SUPT3H: variants seen among roughly 807,000 people sequenced by gnomAD.
The protein encoded by SUPT3H is transcription initiation protein SPT3 homolog.
A neutral mutation model predicts 44.3 loss-of-function variants in SUPT3H; 44 were observed. The ratio of observed to expected loss-of-function variants is 0.99; its 90% CI spans 0.78 to 1.28. SUPT3H has a LOEUF of 1.28. Among genes scored for constraint, SUPT3H ranks in the 50% most tolerant of loss-of-function variants. The pLI, the probability that SUPT3H is intolerant of heterozygous loss-of-function variation, is 0.00. For synonymous variants in SUPT3H, 124 were observed against 125.6 expected (o/e 0.99, Z 0.09); for missense variants, 380 against 387.1 (o/e 0.98, Z 0.15).
intron 2 of SUPT3H, among the ~76,000 whole-genome samples, chr6:45,295,548 A>AAAAAAAAAAAAAAAAAAAAAAAAAAAC (rs1554330142): frequency 1.1e-5 from 1 of 90,218 alleles, no homozygotes; most frequent in African/African-American, 4.2e-5. Flanking sequence ...AAAAAAAAAA[A>AAAAAAAAAAAAAAAAAAAAAAAAAAAC]AAAAAACAGC....
chr6:44,930,138 G>A (rs1267014772), intron 10 of SUPT3H, among the ~76,000 whole-genome samples: 1 of 152,054 alleles, frequency 6.6e-6, no homozygotes, highest in East Asian at 1.9e-4. Flanking sequence ...CAGCACTTTG[G>A]GAGGCTGAGG....
At position 44,827,018 on chromosome 6, in the gene SUPT3H, TA is replaced by T. The variant is rs1337055075; in HGVS notation, c.*2797del. ...CCTCTAAATGGCACGTTCAGAAAGT[TA>T]TACTTCCAAATTTAGGTGAAGGGAG... On this transcript the variant is annotated 3_prime_UTR_variant, in exon 11 of 11. Coordinates refer to ENST00000371459, the MANE Select transcript of SUPT3H (RefSeq NM_003599.4). Among the ~76,000 whole-genome samples the T allele has an allele frequency of 6.6e-6, 1 of 152,198 alleles. No individual in the cohort carries two copies. Among genetic ancestry groups the T allele is most frequent in the Non-Finnish European group, 1.5e-5 (1 of 68,006 alleles).
chr6:44,899,093 GT>G (rs1764563892), intron 10 of SUPT3H: 1 of 152,246 alleles, frequency 6.6e-6, no homozygotes, highest in African/African-American at 2.4e-5. Context: ...CTTTTACCAG[GT>G]TATGAGCTGG....
intron 10 of SUPT3H, chr6:44,899,392 TA>T (rs1248096738): frequency 6.6e-6 from 1 of 152,170 alleles, no homozygotes; most frequent in African/African-American, 2.4e-5. Context: ...TTTGTGCCTA[TA>T]AAAGTTATAA....
At chr6:45,248,909 A>G (rs1032615893) in intron 2 of SUPT3H, among the ~76,000 whole-genome samples, 5 of 140,338 alleles carry the variant, frequency 3.6e-5, no homozygotes, top group Admixed American at 1.4e-4. Flanking sequence ...GCAAGACTCC[A>G]TCTCAAAAAA....
At chr6:44,880,249 G>C (rs1778002962) in intron 10 of SUPT3H, among the ~76,000 whole-genome samples, 1 of 152,028 alleles carries the variant, frequency 6.6e-6, no homozygotes, top group Non-Finnish European at 1.5e-5. Flanking sequence ...TGATAGAGCT[G>C]AAAAACACAG....
chr6:45,255,423 T>TC (rs1186036218), intron 2 of SUPT3H, among the ~76,000 whole-genome samples: 3 of 149,852 alleles, frequency 2.0e-5, no homozygotes, highest in African/African-American at 7.4e-5. Flanking sequence ...AATAGGTTTT[T>TC]TTTTTTTTTT....
intron 10 of SUPT3H, among the ~76,000 whole-genome samples, chr6:44,928,905 G>GAAAAAAAAAAAAAAAA (rs1210373765): frequency 3.2e-5 from 2 of 62,934 alleles, no homozygotes; most frequent in Non-Finnish European, 5.1e-5. Flanking sequence ...AAAAAAAAAA[G>GAAAAAAAAAAAAAAAA]AAAAGAAAAG....
At position 45,015,226 on chromosome 6, in the gene SUPT3H, T is replaced by A. The variant is rs115403530; in HGVS notation, c.274-335A>T. Reference sequence around the variant, plus strand: ...CTGAATACACTTACACAAACCTAGATGGAACAGTCTAATGCACACCTAGGC... The same window carrying A: ...CTGAATACACTTACACAAACCTAGAAGGAACAGTCTAATGCACACCTAGGC... On this transcript the variant is annotated intron_variant, in intron 4 of 10. Transcript: ENST00000371459. Among the ~76,000 whole-genome samples, 1,158 of 152,266 alleles carry A rather than the reference T, an allele frequency of 7.6e-3. 22 individuals are homozygous for A. Among genetic ancestry groups the A allele is most frequent in the African/African-American group, 0.026 (1,093 of 41,558 alleles).
intron 3 of SUPT3H, among the ~76,000 whole-genome samples, chr6:45,104,549 A>C (rs1322470377): frequency 2.6e-5 from 4 of 152,070 alleles, no homozygotes; most frequent in Admixed American, 1.3e-4. Context: ...ATTGTTCAGC[A>C]GTTTGAACAT....
intron 2 of SUPT3H, among the ~76,000 whole-genome samples, chr6:45,166,090 C>G (rs1436317746): frequency 6.6e-6 from 1 of 151,904 alleles, no homozygotes; most frequent in Non-Finnish European, 1.5e-5. Flanking sequence ...CCCAGGAATT[C>G]AAGACCAGCC....
chr6:45,128,503 CAAAAAAAAAA>C (rs1168489460), intron 2 of SUPT3H, among the ~76,000 whole-genome samples: 120 of 12,410 alleles, frequency 9.7e-3, no homozygotes, highest in Non-Finnish European at 0.011. Context: ...GACTCTGTCT[CAAAAAAAAAA>C]AAAAAAAAAA....
At chr6:44,998,348 T>G (rs1781541830) in intron 6 of SUPT3H, among the ~76,000 whole-genome samples, 1 of 151,956 alleles carries the variant, frequency 6.6e-6, no homozygotes, top group South Asian at 2.1e-4. Context: ...AAATTACACA[T>G]TTATATTTTC....
Position 45,193,418 on chromosome 6 carries a change from T to G in SUPT3H, c.102-87412A>C, listed in dbSNP as rs148160511. ...AAGCTATTTTAATATTTCAAGATTA[T>G]GTCAAGAAAAAGCTTCTGTAATGTC... is the stretch of plus-strand genomic sequence containing the variant. On this transcript the variant is annotated intron_variant, in intron 2 of 10. Coordinates refer to ENST00000371459, the MANE Select transcript of SUPT3H (RefSeq NM_003599.4). Among the ~76,000 whole-genome samples the G allele has an allele frequency of 3.9e-4, 60 of 152,332 alleles. No homozygotes were observed. The East Asian group carries it at 0.011, about 29-fold the overall frequency.
At chr6:45,269,982 C>T (rs887527498) in intron 2 of SUPT3H, among the ~76,000 whole-genome samples, 3 of 152,102 alleles carry the variant, frequency 2.0e-5, no homozygotes, top group Admixed American at 1.3e-4. Flanking sequence ...ACGGATCTAT[C>T]CTGTTTCTAT....
chr6:45,145,407 T>C (rs937200788), intron 2 of SUPT3H, among the ~76,000 whole-genome samples: 3 of 151,634 alleles, frequency 2.0e-5, no homozygotes, highest in Non-Finnish European at 2.9e-5. Context: ...AACAAAAACA[T>C]AAAGTGAGGA....
At chr6:45,367,690 A>C (rs1298036582) in intron 1 of SUPT3H, among the ~76,000 whole-genome samples, 1 of 152,180 alleles carries the variant, frequency 6.6e-6, no homozygotes, top group Non-Finnish European at 1.5e-5. Flanking sequence ...ATTTGAGTTG[A>C]CTTGTCTGAT....
chr6:45,239,436 A>C (rs1368892074), intron 2 of SUPT3H, among the ~76,000 whole-genome samples: 1 of 152,246 alleles, frequency 6.6e-6, no homozygotes, highest in Non-Finnish European at 1.5e-5. Context: ...CCTGGAAAGA[A>C]GCTAAAGCTA....
chr6:44,976,460 C>T (rs1582858459), intron 6 of SUPT3H, among the ~76,000 whole-genome samples: 1 of 151,564 alleles, frequency 6.6e-6, no homozygotes, highest in Non-Finnish European at 1.5e-5. Context: ...CTCCAGGGCT[C>T]GAGAGATTCT....
Sources: allele counts gnomAD v4.1 joint callset (sites outside exome capture counted in the v4.1 genomes callset), GRCh38; gene constraint gnomAD v4.1.1; transcripts MANE v1.5; gene names NCBI Gene and HGNC (gene_info 2026-07-23, HGNC 2026-07-21).